Variants in GRID1 observed in about 807,000 individuals in gnomAD.
GRID1 encodes the protein glutamate receptor ionotropic, delta-1.
A neutral mutation model predicts 98.0 loss-of-function variants in GRID1; 28 were observed. The observed-to-expected ratio is 0.29, with a 90% CI of 0.21 to 0.39. The LOEUF (loss-of-function observed/expected upper bound fraction) is 0.39. Ranked by LOEUF, GRID1 falls within the 10% of genes least tolerant of loss-of-function variation. The probability of loss-of-function intolerance (pLI) is 1.00; values close to 1 mark genes in which losing one functional copy is unlikely to be tolerated. For synonymous variants in GRID1, 553 were observed against 538.5 expected, an observed-to-expected ratio of 1.03 and a Z score of -0.37; for missense variants, 1,111 against 1,340.5, an observed-to-expected ratio of 0.83 and a Z score of 2.67.
In GRID1 at chr10:85,599,919, T is replaced by TCTCTCTCACACA. The variant is rs1554857354; in HGVS notation, c.*2353_*2354insTGTGTGAGAGAG. The TCTCTCTCACACA allele has an allele frequency of 2.3e-5, 3 of 131,524 alleles. No individual in the cohort carries two copies. The highest frequency in any genetic ancestry group is 2.5e-4 in the South Asian group (1 of 4,062). 8.1% of individuals were successfully genotyped at this position (131,524 alleles called of 1,614,324 possible). ...GTCTCTCTCTCTCTCTCTCTCTCTC[T>TCTCTCTCACACA]CACACACACACACACACACAAACAC... On this transcript the variant is annotated 3_prime_UTR_variant, in exon 16 of 16. Coordinates refer to ENST00000327946, the MANE Select transcript of GRID1 (RefSeq NM_017551.3).
chr10:85,669,516 T>C (rs1164480686), intron 12 of GRID1, among the ~76,000 whole-genome samples: 1 of 152,200 alleles, frequency 6.6e-6, no homozygotes, highest in Non-Finnish European at 1.5e-5. Flanking sequence ...TCACACTTTC[T>C]GAAGCCCCTG....
chr10:86,166,126 T>C lies in GRID1; in HGVS notation c.521-27102A>G, dbSNP rs540067345. Among the ~76,000 whole-genome samples, 61 of 152,282 alleles carry C rather than the reference T, an allele frequency of 4.0e-4. 1 individual carries two copies. The Middle Eastern group carries it at 0.02, about 51-fold the overall frequency. ...TCACTGTCACTATCTTTTTTTTTAT[T>C]ATTATACTTTAAGTTCTAGGGTACA... On this transcript the variant is annotated intron_variant, in intron 3 of 15. Transcript: ENST00000327946.
intron 4 of GRID1, among the ~76,000 whole-genome samples, chr10:86,056,212 T>C (rs531611850): frequency 6.6e-6 from 1 of 152,312 alleles, no homozygotes; most frequent in Non-Finnish European, 1.5e-5. Context: ...CACATGGAAT[T>C]CCAAGGCTGG....
intron 8 of GRID1, among the ~76,000 whole-genome samples, chr10:85,735,774 T>C (rs778529656): frequency 4.6e-4 from 69 of 150,664 alleles, no homozygotes; most frequent in Non-Finnish European, 9.3e-4. Flanking sequence ...TGTAAATTCC[T>C]GCGAAGGGAA....
chr10:85,710,381 C>T (rs1216058055), intron 12 of GRID1, among the ~76,000 whole-genome samples: 7 of 152,030 alleles, frequency 4.6e-5, no homozygotes, highest in Admixed American at 2.6e-4. Context: ...AAAGGATAGT[C>T]TTTCAACAAA....
In GRID1 at chr10:85,613,552, G is replaced by C; in HGVS notation, c.2456C>G (p.Ala819Gly). The change falls in exon 15 of 16, where the codon GCC becomes GGC. Residue 819 changes from alanine to glycine, a missense_variant. Physicochemically the swap from Ala to Gly is moderately conservative, Grantham distance 60. Coordinates refer to ENST00000327946, the MANE Select transcript of GRID1 (RefSeq NM_017551.3). ...GRCDLTSHAS[A>G]QADGKSLKLH... ...CTTGAGGGATTTGCCGTCGGCCTGGGCGCTGGCATGGCTGGTGAGGTCACA... is the reference window on the plus strand; with the variant it reads ...CTTGAGGGATTTGCCGTCGGCCTGGCCGCTGGCATGGCTGGTGAGGTCACA... 1 of 1,614,210 alleles carries C rather than the reference G, an allele frequency of 6.2e-7. No individual in the cohort carries two copies. The highest frequency in any genetic ancestry group is 8.5e-7 in the Non-Finnish European group (1 of 1,180,046).
chr10:86,224,410 G>A (rs1465876128), intron 2 of GRID1, among the ~76,000 whole-genome samples: 1 of 152,116 alleles, frequency 6.6e-6, no homozygotes, highest in Non-Finnish European at 1.5e-5. Context: ...CTGGGCTTGG[G>A]AGTCCCCAGA....
chr10:85,877,400 C>T lies in GRID1; in HGVS notation c.781-8220G>A, dbSNP rs202245000. Reference sequence around the variant, plus strand: ...CACAGGGCTGGGTACTCCTCTGAGACAAAACTTCCAGAGGAACAATCAGGC... The same window carrying T: ...CACAGGGCTGGGTACTCCTCTGAGATAAAACTTCCAGAGGAACAATCAGGC... On this transcript the variant is annotated intron_variant, in intron 5 of 15. Transcript: ENST00000327946. Among the ~76,000 whole-genome samples the T allele has an allele frequency of 1.1e-4, 16 of 152,298 alleles. No homozygotes were observed. In the East Asian group the frequency reaches 2.7e-3, roughly 26 times the overall value.
In GRID1 at chr10:85,613,439, TGTTCCACCA is replaced by T; in HGVS notation, c.2560_2568del (p.Trp854_Asn856del). On this transcript the variant is annotated inframe_deletion, in exon 15 of 16. Coordinates refer to ENST00000327946, the MANE Select transcript of GRID1 (RefSeq NM_017551.3). Reference sequence around the variant, plus strand: ...GGGGTCTCCTGGTGGCACCGGTTGCTGTTCCACCACAACTCCAGGGCAGCCACCAGGCAG... The same window carrying T: ...GGGGTCTCCTGGTGGCACCGGTTGCTCAACTCCAGGGCAGCCACCAGGCAG... 1 of 1,613,704 alleles carries T rather than the reference TGTTCCACCA, an allele frequency of 6.2e-7. No homozygotes were observed. The highest frequency in any genetic ancestry group is 8.5e-7 in the Non-Finnish European group (1 of 1,179,974).
In GRID1 at chr10:85,854,487, G is replaced by A; in HGVS notation, c.1233+9C>T. The A allele has an allele frequency of 6.2e-7, 1 of 1,613,510 alleles. No individual in the cohort carries two copies. The highest frequency in any genetic ancestry group is 1.1e-5 in the South Asian group (1 of 91,048). On this transcript the variant is annotated intron_variant, in intron 8 of 15. Transcript: ENST00000327946. ...AGGAAGATTGGAAGACAGGGAGCCT[G>A]AGGCTTACCTTGCGCATGTCTTTGC...
At chr10:85,972,714 A>G (rs1351099219) in intron 4 of GRID1, among the ~76,000 whole-genome samples, 4 of 151,936 alleles carry the variant, frequency 2.6e-5, no homozygotes, top group Non-Finnish European at 4.4e-5. Context: ...ACTACAATAC[A>G]ATCCTTATAT....
chr10:86,199,569 C>A lies in GRID1; in HGVS notation c.520+6795G>T, dbSNP rs137944940. On this transcript the variant is annotated intron_variant, in intron 3 of 15. Coordinates refer to ENST00000327946, the MANE Select transcript of GRID1 (RefSeq NM_017551.3). ...TGGCCTAGAGCAAATCCCTTTACTT[C>A]TCTGAGTACAGAACCCACCATGTGG... Among the ~76,000 whole-genome samples, 5 of 152,242 alleles carry A rather than the reference C, an allele frequency of 3.3e-5. No individual in the cohort carries two copies. In the East Asian group the frequency reaches 9.7e-4, roughly 29 times the overall value.
At chr10:85,881,106 G>T (rs1323753789) in intron 5 of GRID1, among the ~76,000 whole-genome samples, 1 of 152,124 alleles carries the variant, frequency 6.6e-6, no homozygotes, top group Non-Finnish European at 1.5e-5. Context: ...ACAAACCACT[G>T]CTCAATGAAA....
Position 86,366,474 on chromosome 10 carries a change from G to T in GRID1, c.-82C>A. ...GAAGCGGGGAGGCGCTGGTCCCGGT[G>T]CAGTCCCGGGCCGCTCCCCGGGAGA... On this transcript the variant is annotated 5_prime_UTR_variant, in exon 1 of 16. Transcript: ENST00000327946. The surrounding 1 kb of genome is among the most constrained non-coding windows in gnomAD (Gnocchi z 4.1). 1 of 884,126 alleles carries T rather than the reference G, an allele frequency of 1.1e-6. No individual in the cohort carries two copies. 54.8% of individuals were successfully genotyped at this position (884,126 alleles called of 1,614,324 possible). A position where few individuals can be genotyped will look rare whatever the true frequency, so the allele number is the denominator to read the frequency against.
chr10:85,718,455 G>A lies in GRID1; in HGVS notation c.1997+4548C>T, dbSNP rs187364900. Among the ~76,000 whole-genome samples, 109 of 152,326 alleles carry A rather than the reference G, an allele frequency of 7.2e-4. 1 individual carries two copies. Among genetic ancestry groups the A allele is most frequent in the Middle Eastern group, 3.4e-3 (1 of 294 alleles). On this transcript the variant is annotated intron_variant, in intron 12 of 15. Transcript: ENST00000327946. The stretch of plus-strand genomic sequence containing the variant: ...GGTTCTCCATGAGGGCCTTGCCCCC[G>A]CAGCAAACTTCTGCCTGGGCATCCA...
rs184001737 is a variant in GRID1, at chr10:86,064,672, C to T, written c.726+74147G>A. ...CCTTCCCTGCTACCTCTCACCTCTCCGACAACTCCTCCTTTCCACTCCCCA... is the reference window on the plus strand; with the variant it reads ...CCTTCCCTGCTACCTCTCACCTCTCTGACAACTCCTCCTTTCCACTCCCCA... On this transcript the variant is annotated intron_variant, in intron 4 of 15. Transcript: ENST00000327946. Among the ~76,000 whole-genome samples, 5 of 152,302 alleles carry T rather than the reference C, an allele frequency of 3.3e-5. No homozygotes were observed. The East Asian group carries it at 5.8e-4, about 18-fold the overall frequency.
At chr10:85,933,816 C>T (rs145385595) in intron 4 of GRID1, among the ~76,000 whole-genome samples, 250 of 152,276 alleles carry the variant, frequency 1.6e-3, no homozygotes, top group African/African-American at 5.7e-3. Flanking sequence ...TCAGTAACCT[C>T]GGGATTGACA....
chr10:86,182,407 T>C (rs1845668929), intron 3 of GRID1, among the ~76,000 whole-genome samples: 1 of 152,256 alleles, frequency 6.6e-6, no homozygotes, highest in South Asian at 2.1e-4. Context: ...ACAGTGAGAC[T>C]GGCCAAGGCC....
intron 8 of GRID1, among the ~76,000 whole-genome samples, chr10:85,852,378 A>G (rs1843067843): frequency 6.6e-6 from 1 of 152,172 alleles, no homozygotes; most frequent in Admixed American, 6.5e-5. Context: ...GCAACGTGGA[A>G]GGTCCAGACA....
Sources: allele counts gnomAD v4.1 joint callset (sites outside exome capture counted in the v4.1 genomes callset), GRCh38; gene constraint gnomAD v4.1.1; non-coding constraint Gnocchi (gnomAD v3.1); transcripts MANE v1.5; gene names NCBI Gene and HGNC (gene_info 2026-07-23, HGNC 2026-07-21).